The following LRRC4C variants were observed in gnomAD, a reference collection of about 807,000 sequenced individuals.
The protein encoded by LRRC4C is leucine rich repeat containing 4C.
A neutral mutation model predicts 33.6 loss-of-function variants in LRRC4C; 5 were observed. The observed-to-expected ratio is 0.15, with a 90% CI of 0.08 to 0.31. The LOEUF is 0.31. Among genes scored for constraint, LRRC4C ranks in the 10% least tolerant of loss-of-function variants. LRRC4C has a pLI of 1.00. For missense variants in LRRC4C, 560 were observed against 796.7 expected (o/e 0.70, Z 3.58); for synonymous variants, 329 against 302.0 (o/e 1.09, Z -0.93).
intron 1 of LRRC4C, among the ~76,000 whole-genome samples, chr11:41,197,079 G>A (rs1946208930): frequency 6.6e-6 from 1 of 152,014 alleles, no homozygotes; most frequent in Non-Finnish European, 1.5e-5. Flanking sequence ...TTCTGTGCAT[G>A]GAAGTACCAC....
intron 1 of LRRC4C, among the ~76,000 whole-genome samples, chr11:41,438,512 T>C (rs566584211): frequency 6.6e-6 from 1 of 152,194 alleles, no homozygotes; most frequent in South Asian, 2.1e-4. Context: ...TAAAAGGAAA[T>C]TGGGATATAA....
chr11:40,901,704 C>A lies in LRRC4C; in HGVS notation c.-407+31931G>T, dbSNP rs1956207984. ...AGAAAAGAATAGATAGGAAGCAATA[C>A]AATTCTGACTTCCCAAAGGTATTTG... On this transcript the variant is annotated intron_variant, in intron 2 of 6. Transcript: ENST00000528697. Among the ~76,000 whole-genome samples the A allele has an allele frequency of 2.6e-5, 4 of 152,076 alleles. No individual in the cohort carries two copies. In the South Asian group the frequency reaches 8.3e-4, roughly 32 times the overall value.
chr11:40,963,365 TTCCTCA>T (rs1851102603), intron 1 of LRRC4C, among the ~76,000 whole-genome samples: 1 of 151,794 alleles, frequency 6.6e-6, no homozygotes, highest in Admixed American at 6.6e-5. Flanking sequence ...ATGAACTTAA[TTCCTCA>T]AATAAGTCTC....
chr11:40,694,701 A>C (rs1945401870), intron 2 of LRRC4C, among the ~76,000 whole-genome samples: 1 of 152,134 alleles, frequency 6.6e-6, no homozygotes, highest in African/African-American at 2.4e-5. Context: ...TTAAGGAGAA[A>C]ACATACTCCC....
At chr11:40,445,107 A>C (rs1448238625) in intron 3 of LRRC4C, among the ~76,000 whole-genome samples, 2 of 152,182 alleles carry the variant, frequency 1.3e-5, no homozygotes, top group African/African-American at 2.4e-5. Flanking sequence ...GGCTCTAAAT[A>C]ATGTTCATCA....
chr11:40,279,255 G>A (rs1439209850), intron 4 of LRRC4C, among the ~76,000 whole-genome samples: 3 of 152,070 alleles, frequency 2.0e-5, no homozygotes, highest in South Asian at 2.1e-4. Context: ...AGGTCCAAGA[G>A]ATCAGTCCCA....
rs141437777 is a variant in LRRC4C at position 41,085,664 on chromosome 11, C to T, written c.-495-151941G>A. ...AACCTGAGGTGGTTGACTCTCTCAA[C>T]GCCTGGAAATGTTTCTAAGAAAGCA... On this transcript the variant is annotated intron_variant, in intron 1 of 6. Transcript: ENST00000528697. 8.2e-3 allele frequency among the ~76,000 whole-genome samples: 1,254 copies of T among 152,138 alleles called. 24 individuals are homozygous for T. Among genetic ancestry groups the T allele is most frequent in the African/African-American group, 0.029 (1,190 of 41,500 alleles).
chr11:41,452,829 C>T (rs762460602), intron 1 of LRRC4C, among the ~76,000 whole-genome samples: 3 of 151,982 alleles, frequency 2.0e-5, no homozygotes, highest in Non-Finnish European at 2.9e-5. Flanking sequence ...TAATTTGTAT[C>T]GTCTCTGGCA....
chr11:41,105,619 T>C (rs931584629), intron 1 of LRRC4C, among the ~76,000 whole-genome samples: 2 of 151,982 alleles, frequency 1.3e-5, no homozygotes, highest in African/African-American at 2.4e-5. Flanking sequence ...GCACAGATAA[T>C]CAAGAGCTTT....
intron 3 of LRRC4C, among the ~76,000 whole-genome samples, chr11:40,360,555 G>A (rs1192322611): frequency 1.3e-5 from 2 of 152,118 alleles, no homozygotes; most frequent in African/African-American, 2.4e-5. Flanking sequence ...CAATAGTGAG[G>A]TCTAATGAAC....
At chr11:41,035,551 G>A (rs1316788090) in intron 1 of LRRC4C, among the ~76,000 whole-genome samples, 1 of 152,102 alleles carries the variant, frequency 6.6e-6, no homozygotes, top group African/African-American at 2.4e-5. Context: ...CCCTGAAAAG[G>A]ACATGATCGT....
chr11:40,348,121 C>G (rs916260494), intron 3 of LRRC4C, among the ~76,000 whole-genome samples: 1 of 151,990 alleles, frequency 6.6e-6, no homozygotes, highest in Non-Finnish European at 1.5e-5. Flanking sequence ...TCAAAGATCA[C>G]AGAGCACCAT....
intron 1 of LRRC4C, among the ~76,000 whole-genome samples, chr11:41,019,585 G>A (rs1053500104): frequency 2.0e-5 from 3 of 152,038 alleles, no homozygotes; most frequent in African/African-American, 7.2e-5. Context: ...AGATCCTTGA[G>A]GAATCACCAC....
intron 2 of LRRC4C, among the ~76,000 whole-genome samples, chr11:40,784,814 GT>G (rs1454224445): frequency 1.3e-5 from 2 of 152,096 alleles, no homozygotes; most frequent in African/African-American, 2.4e-5. Flanking sequence ...ATAGTGTATA[GT>G]TTTTAAGGTG....
intron 4 of LRRC4C, among the ~76,000 whole-genome samples, chr11:40,275,270 G>A (rs951890901): frequency 6.6e-6 from 1 of 151,996 alleles, no homozygotes; most frequent in Non-Finnish European, 1.5e-5. Context: ...TAGCTTCAGG[G>A]ACCATTGCTG....
At chr11:40,489,980 T>C (rs1178089791) in intron 3 of LRRC4C, among the ~76,000 whole-genome samples, 3 of 152,106 alleles carry the variant, frequency 2.0e-5, no homozygotes, top group Non-Finnish European at 2.9e-5. Context: ...TTCAAGTTCA[T>C]AGTCTAGCAG....
chr11:40,444,699 T>A (rs546018488), intron 3 of LRRC4C, among the ~76,000 whole-genome samples: 2 of 152,312 alleles, frequency 1.3e-5, no homozygotes, highest in East Asian at 3.9e-4. Flanking sequence ...TGTTTTTCTG[T>A]TTTGTTTTTT....
At chr11:41,090,854 C>T (rs990974802) in intron 1 of LRRC4C, among the ~76,000 whole-genome samples, 1 of 152,152 alleles carries the variant, frequency 6.6e-6, no homozygotes, top group Non-Finnish European at 1.5e-5. Flanking sequence ...CTTTGCCTTC[C>T]ATCATGATTG....
At chr11:40,807,885 C>T (rs1268128833) in intron 2 of LRRC4C, among the ~76,000 whole-genome samples, 3 of 152,162 alleles carry the variant, frequency 2.0e-5, no homozygotes, top group Non-Finnish European at 4.4e-5. Flanking sequence ...TTGCTCTTAA[C>T]TCTGCCAGGG....
Sources: allele counts gnomAD v4.1 joint callset (sites outside exome capture counted in the v4.1 genomes callset), GRCh38; gene constraint gnomAD v4.1.1; transcripts MANE v1.5; gene names NCBI Gene and HGNC (gene_info 2026-07-23, HGNC 2026-07-21).